SUDS3: variants seen among roughly 807,000 people sequenced by gnomAD.
SUDS3 encodes the protein sin3 histone deacetylase corepressor complex component SDS3.
Under a neutral mutation model 53.5 loss-of-function variants are expected in SUDS3, and 23 were observed. The observed-to-expected ratio is 0.43, with a 90% CI of 0.31 to 0.61. The LOEUF is 0.61. Among genes scored for constraint, SUDS3 ranks in the 20% least tolerant of loss-of-function variants. The probability of loss-of-function intolerance (pLI) is 0.10; values close to 1 mark genes in which losing one functional copy is unlikely to be tolerated. For missense variants in SUDS3, 291 were observed against 405.9 expected (o/e 0.72, Z 2.43); for synonymous variants, 150 against 148.5 (o/e 1.01, Z -0.08).
chr12:118,385,996 G>T, intron 3 of SUDS3, 118 bp from the exon 4 acceptor site: 1 of 811,094 alleles, frequency 1.2e-6, no homozygotes, highest in Non-Finnish European at 2.1e-6. Flanking sequence ...GCTGAGGTGT[G>T]TCTTCCTTTG....
At chr12:118,377,823 G>A (rs2041965113) in intron 1 of SUDS3, among the ~76,000 whole-genome samples, 1 of 152,200 alleles carries the variant, frequency 6.6e-6, no homozygotes, top group Admixed American at 6.5e-5. Flanking sequence ...TGTTTGGAAT[G>A]GGGCCTACGT....
chr12:118,408,691 GT>G (rs79562390), intron 10 of SUDS3, among the ~76,000 whole-genome samples: 272 of 142,878 alleles, frequency 1.9e-3, no homozygotes, highest in East Asian at 7.0e-3. Context: ...GTTTTTTTTG[GT>G]TTTTTTTTTT....
At chr12:118,409,330 A>G (rs2046337510) in intron 10 of SUDS3, among the ~76,000 whole-genome samples, 2 of 152,056 alleles carry the variant, frequency 1.3e-5, no homozygotes, top group Admixed American at 1.3e-4. Flanking sequence ...TGTTTTTAGT[A>G]GAGATGGGGT....
At chr12:118,398,235 G>C (rs552106721) in intron 6 of SUDS3, among the ~76,000 whole-genome samples, 3 of 152,156 alleles carry the variant, frequency 2.0e-5, no homozygotes, top group Admixed American at 6.5e-5. Flanking sequence ...GGCGCACTGT[G>C]GGGGAGGCAT....
intron 1 of SUDS3, among the ~76,000 whole-genome samples, chr12:118,379,602 G>A (rs747899010): frequency 1.9e-4 from 29 of 152,188 alleles, no homozygotes; most frequent in African/African-American, 6.3e-4. Flanking sequence ...TAAAATGTGC[G>A]AAGGGTTCCA....
At chr12:118,404,615 T>C (rs970561331) in intron 10 of SUDS3, 1 of 152,240 alleles carries the variant, frequency 6.6e-6, no homozygotes, top group Admixed American at 6.5e-5. Context: ...CATTCTGATA[T>C]ATTTCTTTTT....
At chr12:118,406,373 A>C (rs1035229188) in intron 10 of SUDS3, among the ~76,000 whole-genome samples, 61 of 152,298 alleles carry the variant, frequency 4.0e-4, no homozygotes, top group African/African-American at 1.4e-3. Flanking sequence ...TATAACGTGG[A>C]CTCACTTATT....
At chr12:118,387,793 C>T (rs911605283) in intron 4 of SUDS3, among the ~76,000 whole-genome samples, 2 of 152,122 alleles carry the variant, frequency 1.3e-5, no homozygotes, top group Non-Finnish European at 2.9e-5. Flanking sequence ...TCAGGTGATC[C>T]GCCCGGCTCG....
intron 2 of SUDS3, among the ~76,000 whole-genome samples, chr12:118,381,466 T>A (rs1387113425): frequency 6.6e-6 from 1 of 152,052 alleles, no homozygotes; most frequent in Non-Finnish European, 1.5e-5. Context: ...CACTGCAACC[T>A]CTGCCTCCTG....
chr12:118,405,605 T>C (rs1481668517), intron 10 of SUDS3, among the ~76,000 whole-genome samples: 2 of 152,262 alleles, frequency 1.3e-5, no homozygotes, highest in East Asian at 1.9e-4. Flanking sequence ...TTGTTAAATA[T>C]ACTTTGAGAA....
intron 7 of SUDS3, among the ~76,000 whole-genome samples, chr12:118,401,261 G>C (rs1161909906): frequency 6.6e-6 from 1 of 152,210 alleles, no homozygotes; most frequent in Non-Finnish European, 1.5e-5. Flanking sequence ...GAAAGATGGA[G>C]AAGCGTTGTT....
intron 5 of SUDS3, among the ~76,000 whole-genome samples, chr12:118,390,278 G>C (rs978889344): frequency 6.6e-6 from 1 of 152,192 alleles, no homozygotes. Context: ...CTCTGAATTG[G>C]CTCAGCAGTT....
chr12:118,388,557 A>C (rs954259321), intron 4 of SUDS3, among the ~76,000 whole-genome samples: 1 of 152,136 alleles, frequency 6.6e-6, no homozygotes, highest in African/African-American at 2.4e-5. Context: ...ACAGTTACTA[A>C]TCATCCGGCA....
At chr12:118,395,752 C>T (rs1343521629) in intron 6 of SUDS3, among the ~76,000 whole-genome samples, 3 of 152,028 alleles carry the variant, frequency 2.0e-5, no homozygotes, top group Non-Finnish European at 4.4e-5. Context: ...AGTGCAGTGC[C>T]ACGGTCTTGG....
At position 118,414,934 on chromosome 12, in the gene SUDS3, CAGG is replaced by C. The variant is rs1418843969; in HGVS notation, c.*504_*506del. On this transcript the variant is annotated 3_prime_UTR_variant, in exon 12 of 12. Transcript: ENST00000543473. Reference sequence around the variant, plus strand: ...CAGAAGCTTGGGGCAGAGGTCCTAGCAGGAGATGATGAATTCTCGTGGCTCTCG... The same window carrying C: ...CAGAAGCTTGGGGCAGAGGTCCTAGCAGATGATGAATTCTCGTGGCTCTCG... 1 of 152,316 alleles carries C rather than the reference CAGG, an allele frequency of 6.6e-6. No homozygotes were observed. Among genetic ancestry groups the C allele is most frequent in the Non-Finnish European group, 1.5e-5 (1 of 68,192 alleles). The allele number at this position is 152,316 out of a possible 1,614,324, so 9.4% of individuals were successfully genotyped here.
chr12:118,387,549 CAT>C (rs201509840), intron 4 of SUDS3, among the ~76,000 whole-genome samples: 2,360 of 151,824 alleles, frequency 0.016, 37 homozygotes, highest in Non-Finnish European at 0.022. Context: ...ATCATGTCCT[CAT>C]GTGTTCTTTT....
chr12:118,408,448 T>A (rs916983662), intron 10 of SUDS3, among the ~76,000 whole-genome samples: 3 of 151,856 alleles, frequency 2.0e-5, no homozygotes, highest in Non-Finnish European at 2.9e-5. Context: ...ATTCTTGTGC[T>A]TCAGCCTCCC....
intron 2 of SUDS3, 131 bp downstream of exon 2, chr12:118,380,362 A>G (rs2046045496): frequency 1.3e-6 from 1 of 749,106 alleles, no homozygotes; most frequent in Non-Finnish European, 2.1e-6. Context: ...ATGATGCTCA[A>G]AGGAAATGCT....
In SUDS3 at chr12:118,385,725, A is replaced by T. The variant is rs567961634; in HGVS notation, c.269-389A>T. Among the ~76,000 whole-genome samples the T allele has an allele frequency of 3.9e-5, 6 of 152,358 alleles. No homozygotes were observed. The East Asian group carries it at 1.2e-3, about 29-fold the overall frequency. ...AGTGCCTGCCATGTTGGACATTGCAAATATAAAACACACCATTGCAGAAGG... is the reference window on the plus strand; with the variant it reads ...AGTGCCTGCCATGTTGGACATTGCATATATAAAACACACCATTGCAGAAGG... On this transcript the variant is annotated intron_variant, in intron 3 of 11. Coordinates refer to ENST00000543473, the MANE Select transcript of SUDS3 (RefSeq NM_022491.3).
Sources: allele counts gnomAD v4.1 joint callset (sites outside exome capture counted in the v4.1 genomes callset), GRCh38; gene constraint gnomAD v4.1.1; transcripts MANE v1.5; gene names NCBI Gene and HGNC (gene_info 2026-07-23, HGNC 2026-07-21).